The following RBM25 variants were observed in gnomAD, a reference collection of about 807,000 sequenced individuals.
RBM25 encodes RNA binding motif protein 25.
Under a neutral mutation model 120.7 loss-of-function variants are expected in RBM25, and 19 were observed. The observed-to-expected ratio is 0.16, with a 90% confidence interval of 0.11 to 0.23. RBM25 has a LOEUF of 0.23. RBM25 is among the 10% of genes least tolerant of loss of function. The pLI is 1.00. For missense variants in RBM25, 605 were observed against 1,041.5 expected (o/e 0.58, Z 5.77); for synonymous variants, 390 against 326.7 (o/e 1.19, Z -2.09).
At chr14:73,099,974 T>C (rs1896026302) in intron 9 of RBM25, 3 of 577,608 alleles carry the variant, frequency 5.2e-6, no homozygotes. Context: ...TCTGCAGTCA[T>C]CTCACTTTAA....
chr14:73,078,645 A>G (rs1417542621), intron 4 of RBM25, among the ~76,000 whole-genome samples: 1 of 152,180 alleles, frequency 6.6e-6, no homozygotes, highest in Non-Finnish European at 1.5e-5. Flanking sequence ...TTGCTCTGTC[A>G]CACAGGCTGA....
Position 73,058,561 on chromosome 14 carries a change from C to G in RBM25, c.-160C>G, listed in dbSNP as rs1436712247. On this transcript the variant is annotated 5_prime_UTR_variant, in exon 1 of 19. Coordinates refer to ENST00000261973, the MANE Select transcript of RBM25 (RefSeq NM_021239.3). ...ACCTCCATCAGCTCGCCGCGCAGCG[C>G]GGCTGTATTTGCGGCCTGTGCGAGT... 6.6e-6 allele frequency: 1 copy of G among 152,228 alleles called. No individual in the cohort carries two copies. Among genetic ancestry groups the G allele is most frequent in the Non-Finnish European group, 1.5e-5 (1 of 68,060 alleles). The allele number at this position is 152,228 out of a possible 1,614,324, so 9.4% of individuals were successfully genotyped here.
chr14:73,103,899 CTGTCTG>C (rs1162025609), intron 10 of RBM25, among the ~76,000 whole-genome samples: 9 of 92,946 alleles, frequency 9.7e-5, no homozygotes, highest in African/African-American at 3.4e-4. Flanking sequence ...GTCTGTCTGT[CTGTCTG>C]TCTCTCTCTC....
intron 2 of RBM25, among the ~76,000 whole-genome samples, chr14:73,075,532 T>G (rs1895396926): frequency 6.6e-6 from 1 of 152,236 alleles, no homozygotes; most frequent in Non-Finnish European, 1.5e-5. Flanking sequence ...ATTTCTCATC[T>G]CATGCTTAAA....
At chr14:73,103,968 ACACACACACACACACACACACACACACT>A (rs1896121421) in intron 10 of RBM25, among the ~76,000 whole-genome samples, 1 of 143,188 alleles carries the variant, frequency 7.0e-6, no homozygotes, top group Non-Finnish European at 1.5e-5. Context: ...ACACACACAC[ACACACACACACACACACACACACACACT>A]CTCTCTCTCT....
chr14:73,116,887 A>C (rs1896438522), intron 18 of RBM25, among the ~76,000 whole-genome samples: 1 of 152,218 alleles, frequency 6.6e-6, no homozygotes, highest in South Asian at 2.1e-4. Flanking sequence ...CAGCTCTGCT[A>C]AAAAGCTCAT....
chr14:73,066,620 C>T (rs1200349194), intron 1 of RBM25, among the ~76,000 whole-genome samples: 1 of 144,722 alleles, frequency 6.9e-6, no homozygotes, highest in Non-Finnish European at 1.5e-5. Context: ...CTCTGCACTC[C>T]TGGGTGACAG....
At chr14:73,062,913 C>G (rs1342498444) in intron 1 of RBM25, among the ~76,000 whole-genome samples, 1 of 150,738 alleles carries the variant, frequency 6.6e-6, no homozygotes, top group East Asian at 1.9e-4. Flanking sequence ...CTCCACCTCC[C>G]GGGCTCAAGC....
At position 73,083,529 on chromosome 14, in the gene RBM25, A is replaced by G. The variant is rs1594909257; in HGVS notation, c.360A>G (p.Gln120=). The G allele has an allele frequency of 5.7e-6, 9 of 1,582,276 alleles. No homozygotes were observed. Among genetic ancestry groups the G allele is most frequent in the South Asian group, 1.2e-5 (1 of 84,078 alleles). Residue 120 remains glutamine, a synonymous_variant, in exon 5 of 19, where the codon CAA becomes CAG. Transcript: ENST00000261973. ...TGGTTTTGAGCTGGAAGAGAGTACA[A>G]GGTGCTTCCGGAAAGCTTCAAGGTA... is the stretch of plus-strand genomic sequence containing the variant. ...CGLVLSWKRV[Q]GASGKLQAFG... is the part of the protein sequence containing the mutation.
At chr14:73,067,324 CATT>C (rs1895162869) in intron 1 of RBM25, among the ~76,000 whole-genome samples, 1 of 152,094 alleles carries the variant, frequency 6.6e-6, no homozygotes, top group African/African-American at 2.4e-5. Flanking sequence ...GAATGTTCAA[CATT>C]ATTTGTGAGA....
chr14:73,093,759 G>A (rs1388978559), intron 6 of RBM25, among the ~76,000 whole-genome samples: 7 of 151,952 alleles, frequency 4.6e-5, no homozygotes, highest in African/African-American at 1.4e-4. Context: ...CACCCGCCTC[G>A]GCCTCCCAAA....
At chr14:73,068,252 TA>T in intron 1 of RBM25, 1 of 862,660 alleles carries the variant, frequency 1.2e-6, no homozygotes, top group Non-Finnish European at 2.0e-6. Context: ...AATATTTTTA[TA>T]AACCATTTAG....
intron 4 of RBM25, among the ~76,000 whole-genome samples, chr14:73,078,431 C>T (rs917480042): frequency 1.3e-5 from 2 of 152,082 alleles, no homozygotes; most frequent in African/African-American, 4.8e-5. Flanking sequence ...TTGAAGGCTG[C>T]AGTGAGCTAT....
intron 2 of RBM25, among the ~76,000 whole-genome samples, chr14:73,072,409 G>A (rs564393389): frequency 3.0e-4 from 46 of 152,040 alleles, no homozygotes; most frequent in African/African-American, 9.9e-4. Flanking sequence ...ACTAAAAAGG[G>A]AAGCAATAAG....
chr14:73,090,153 C>T (rs1289715091), intron 6 of RBM25, among the ~76,000 whole-genome samples: 5 of 151,942 alleles, frequency 3.3e-5, no homozygotes, highest in Non-Finnish European at 7.4e-5. Flanking sequence ...CAGGTTCAAG[C>T]GATTCTCCTG....
At chr14:73,118,898 A>G (rs1367532705) in intron 18 of RBM25, among the ~76,000 whole-genome samples, 1 of 151,978 alleles carries the variant, frequency 6.6e-6, no homozygotes. Context: ...CCTCCCGAGT[A>G]GCTGGGATTA....
Position 73,105,936 on chromosome 14 carries a change from G to A in RBM25, c.1232G>A (p.Arg411Gln), listed in dbSNP as rs1182491253. ...AGAGAACGAGAGCGAGAACGAGAAC[G>A]GGAGCGAGAGAGAGAGCGAGAGAGG... ...RERERERERE[R>Q]ERERERERER... The change falls in exon 11 of 19, where the codon CGG becomes CAG. Residue 411 changes from arginine to glutamine, a missense_variant. Arg to Gln is a conservative substitution (Grantham distance 43). Transcript: ENST00000261973. The A allele has an allele frequency of 6.2e-6, 10 of 1,612,446 alleles. No individual in the cohort carries two copies. The highest frequency in any genetic ancestry group is 1.1e-5 in the South Asian group (1 of 90,958).
chr14:73,077,295 G>A, intron 3 of RBM25, 74 bp from the exon 4 acceptor site: 2 of 1,312,386 alleles, frequency 1.5e-6, no homozygotes, highest in Non-Finnish European at 2.1e-6. Flanking sequence ...TAATCCTGAT[G>A]TTTTTAGCCT....
chr14:73,092,809 C>G (rs1432388660), intron 6 of RBM25, among the ~76,000 whole-genome samples: 1 of 152,094 alleles, frequency 6.6e-6, no homozygotes, highest in Admixed American at 6.6e-5. Flanking sequence ...TCAAGCAGTT[C>G]TCCTGCTTCG....
Sources: gnomAD v4.1 joint callset for allele counts (sites outside exome capture counted in the v4.1 genomes callset) on GRCh38, gnomAD v4.1.1 for gene constraint, MANE v1.5 for transcripts, NCBI Gene and HGNC (gene_info 2026-07-23, HGNC 2026-07-21) for gene names.